TUSC3: variants seen among roughly 807,000 people sequenced by gnomAD.
The protein encoded by TUSC3 is tumor suppressor candidate 3.
A neutral mutation model predicts 44.8 loss-of-function variants in TUSC3; 45 were observed. The observed-to-expected ratio is 1.00, with a 90% CI of 0.79 to 1.29. TUSC3 has a LOEUF of 1.29. Among genes scored for constraint, TUSC3 ranks in the 50% most tolerant of loss-of-function variants. The pLI is 0.00. For missense variants in TUSC3, 519 were observed against 437.9 expected (o/e 1.19, Z -1.65); for synonymous variants, 212 against 152.9 (o/e 1.39, Z -2.85).
intron 6 of TUSC3, among the ~76,000 whole-genome samples, chr8:15,702,298 G>T (rs529864130): frequency 3.9e-4 from 60 of 152,236 alleles, no homozygotes; most frequent in African/African-American, 1.4e-3. Context: ...TTAAATAATA[G>T]TTGTTGAGCC....
At chr8:15,829,721 T>A in the TUSC3 span, among the ~76,000 whole-genome samples, 1 of 152,122 alleles carries the variant, frequency 6.6e-6, no homozygotes, top group East Asian at 1.9e-4. Context: ...TTTTCTAATT[T>A]TCTCTAGTTC....
At chr8:15,575,400 A>C (rs1468360514) in intron 1 of TUSC3, among the ~76,000 whole-genome samples, 3 of 152,166 alleles carry the variant, frequency 2.0e-5, no homozygotes, top group Non-Finnish European at 4.4e-5. Context: ...TTAAATATTA[A>C]ACTAAATATC....
intron 1 of TUSC3, among the ~76,000 whole-genome samples, chr8:15,573,695 G>C (rs948032383): frequency 2.0e-5 from 3 of 152,022 alleles, no homozygotes; most frequent in African/African-American, 7.2e-5. Context: ...TGCCCTGCAG[G>C]AGATACAGCT....
intron 1 of TUSC3, among the ~76,000 whole-genome samples, chr8:15,594,567 A>G (rs1803986618): frequency 6.6e-6 from 1 of 152,138 alleles, no homozygotes; most frequent in Non-Finnish European, 1.5e-5. Flanking sequence ...GTTCTTGATT[A>G]TAAGATTTGT....
intron 1 of TUSC3, among the ~76,000 whole-genome samples, chr8:15,562,720 C>T (rs1802523200): frequency 6.6e-6 from 1 of 152,100 alleles, no homozygotes; most frequent in Non-Finnish European, 1.5e-5. Context: ...GTGTTGCTCT[C>T]AGTTCTTTGC....
At chr8:15,607,767 T>A (rs997714964) in intron 1 of TUSC3, among the ~76,000 whole-genome samples, 7 of 152,194 alleles carry the variant, frequency 4.6e-5, no homozygotes, top group Admixed American at 1.3e-4. Context: ...CATGAACTAT[T>A]GTTTTAAGCA....
intron 1 of TUSC3, among the ~76,000 whole-genome samples, chr8:15,478,097 C>T (rs1286218020): frequency 2.0e-5 from 3 of 151,902 alleles, no homozygotes; most frequent in Non-Finnish European, 4.4e-5. Flanking sequence ...AGCTGGATTA[C>T]AGACATGCAC....
chr8:15,841,275 A>C, the TUSC3 span, among the ~76,000 whole-genome samples: 1 of 152,114 alleles, frequency 6.6e-6, no homozygotes, highest in Non-Finnish European at 1.5e-5. Flanking sequence ...GTAGACTAGG[A>C]ATTGGATTAT....
chr8:15,744,245 C>G (rs534953662), intron 8 of TUSC3, among the ~76,000 whole-genome samples: 5 of 152,166 alleles, frequency 3.3e-5, no homozygotes, highest in African/African-American at 1.2e-4. Flanking sequence ...GACCATTTCT[C>G]TCAGAGTTGT....
At chr8:15,807,811 T>C in the TUSC3 span, among the ~76,000 whole-genome samples, 19,645 of 152,082 alleles carry the variant, frequency 0.13, 1,323 homozygotes, top group African/African-American at 0.17. Flanking sequence ...GAGCTAAACA[T>C]TGAGAACTCA....
chr8:15,491,527 A>G (rs901485908), intron 2 of TUSC3, among the ~76,000 whole-genome samples: 1 of 152,202 alleles, frequency 6.6e-6, no homozygotes, highest in Non-Finnish European at 1.5e-5. Context: ...AGAAATTTCT[A>G]GTCAAGAGAT....
chr8:15,743,290 G>C (rs1470513306), intron 7 of TUSC3, among the ~76,000 whole-genome samples: 1 of 152,098 alleles, frequency 6.6e-6, no homozygotes, highest in Non-Finnish European at 1.5e-5. Flanking sequence ...GAAAATCCTG[G>C]AATTTAAGAA....
intron 1 of TUSC3, among the ~76,000 whole-genome samples, chr8:15,446,404 C>A (rs527785891): frequency 2.0e-5 from 3 of 152,062 alleles, no homozygotes; most frequent in Middle Eastern, 3.4e-3. Context: ...TGTAGCGAGT[C>A]GAGATCACGC....
At chr8:15,503,381 T>G (rs1800995942) in intron 2 of TUSC3, among the ~76,000 whole-genome samples, 2 of 152,164 alleles carry the variant, frequency 1.3e-5, no homozygotes, top group African/African-American at 4.8e-5. Context: ...TGTGGCACTG[T>G]GCTATGGCAG....
chr8:15,769,970 G>A (rs1167675820), downstream of TUSC3, among the ~76,000 whole-genome samples: 1 of 152,184 alleles, frequency 6.6e-6, no homozygotes, highest in Admixed American at 6.5e-5. Context: ...TGGTGGGAGT[G>A]TAAATTAGTT....
At chr8:15,550,750 C>A (rs558173556) in intron 1 of TUSC3, among the ~76,000 whole-genome samples, 85 of 151,676 alleles carry the variant, frequency 5.6e-4, no homozygotes, top group African/African-American at 2.0e-3. Context: ...CATCTCACTG[C>A]AACCTCTGCC....
rs1563160059 is a variant in TUSC3, at chr8:15,662,162, G to T, written c.574G>T (p.Val192Phe). The T allele has an allele frequency of 1.2e-6, 2 of 1,612,552 alleles. No individual in the cohort carries two copies. Among genetic ancestry groups the T allele is most frequent in the Non-Finnish European group, 1.7e-6 (2 of 1,179,072 alleles). ...TTCTATTGCATTTTTGCAGATTCGG[G>T]TTTTCAGACCACCCAACTACTCTGG... is the stretch of plus-strand genomic sequence containing the variant. ...IADRTDVHIRVFRPPNYSGTI... is the reference protein window; with the variant it reads ...IADRTDVHIRFFRPPNYSGTI... Residue 192 changes from valine to phenylalanine, a missense_variant, in exon 5 of 11, where the codon GTT becomes TTT. Transcript: ENST00000503731.
intron 2 of TUSC3, among the ~76,000 whole-genome samples, chr8:15,501,673 T>C (rs991667284): frequency 1.3e-5 from 2 of 152,174 alleles, no homozygotes; most frequent in African/African-American, 4.8e-5. Context: ...AGGCTACATA[T>C]TACTCTCTTC....
chr8:15,457,999 G>A (rs1778791022), intron 1 of TUSC3, among the ~76,000 whole-genome samples: 1 of 151,622 alleles, frequency 6.6e-6, no homozygotes, highest in Non-Finnish European at 1.5e-5. Context: ...GCAACATAAT[G>A]TACTTTGTAT....
Sources: gnomAD v4.1 joint callset for allele counts (sites outside exome capture counted in the v4.1 genomes callset) on GRCh38, gnomAD v4.1.1 for gene constraint, MANE v1.5 for transcripts, NCBI Gene and HGNC (gene_info 2026-07-23, HGNC 2026-07-21) for gene names.